PPFIBP2: variants seen among roughly 807,000 people sequenced by gnomAD.
PPFIBP2 encodes the protein PPFIB scaffold protein 2.
In PPFIBP2, 118 loss-of-function variants were observed where a neutral mutation model predicts 118.3. That is an observed-to-expected ratio of 1.00 (90% CI 0.86 to 1.16). PPFIBP2 has a LOEUF of 1.16. PPFIBP2 is among the 50% of genes most tolerant of loss of function. PPFIBP2 has a pLI of 0.00. For missense variants in PPFIBP2, 1,195 were observed against 1,073.1 expected (o/e 1.11, Z -1.59); for synonymous variants, 414 against 397.4 (o/e 1.04, Z -0.50).
At chr11:7,623,834 G>A (rs569303548) in intron 7 of PPFIBP2, among the ~76,000 whole-genome samples, 27 of 152,330 alleles carry the variant, frequency 1.8e-4, no homozygotes, top group Middle Eastern at 6.8e-3. Context: ...AGAAATGGAG[G>A]TTGAGAGTCC....
chr11:7,582,118 G>T (rs1047547224), intron 3 of PPFIBP2, among the ~76,000 whole-genome samples: 8 of 150,390 alleles, frequency 5.3e-5, no homozygotes, highest in African/African-American at 1.5e-4. Flanking sequence ...GATTACAGGC[G>T]TGAGCCACCG....
chr11:7,526,634 G>A (rs1327657175), intron 1 of PPFIBP2, among the ~76,000 whole-genome samples: 1 of 152,158 alleles, frequency 6.6e-6, no homozygotes, highest in Non-Finnish European at 1.5e-5. Context: ...CACTTTGGGA[G>A]GCCGAGGGTG....
At chr11:7,652,131 T>C (rs1228815745) in intron 23 of PPFIBP2, among the ~76,000 whole-genome samples, 2 of 152,274 alleles carry the variant, frequency 1.3e-5, no homozygotes, top group Non-Finnish European at 2.9e-5. Context: ...CCACTGCTGC[T>C]GTGACTCACC....
chr11:7,525,348 A>G (rs947746925), intron 1 of PPFIBP2, among the ~76,000 whole-genome samples: 2 of 152,186 alleles, frequency 1.3e-5, no homozygotes, highest in African/African-American at 4.8e-5. Flanking sequence ...TGAAATGTTG[A>G]CTCCAGTGCT....
Position 7,608,960 on chromosome 11 carries a change from GGCTGGCCCAGGAAGA to G in PPFIBP2, c.487-1323_487-1309del, listed in dbSNP as rs552854805. Among the ~76,000 whole-genome samples the G allele has an allele frequency of 5.9e-4, 90 of 152,316 alleles. 1 individual carries two copies. The highest frequency in any genetic ancestry group is 5.4e-3 in the Admixed American group (83 of 15,302). The stretch of plus-strand genomic sequence containing the variant: ...TGCCTTGTGAGCCAGCTTCCAGTCT[GGCTGGCCCAGGAAGA>G]GCTGGCCTCCTTACCCCAGAGCTCG... On this transcript the variant is annotated intron_variant, in intron 5 of 23. Coordinates refer to ENST00000299492, the MANE Select transcript of PPFIBP2 (RefSeq NM_003621.5).
At chr11:7,651,020 AACTT>A (rs1291620035) in intron 22 of PPFIBP2, 55 bp downstream of exon 22, 1 of 1,571,958 alleles carries the variant, frequency 6.4e-7, no homozygotes, top group Non-Finnish European at 8.7e-7. Flanking sequence ...GATATTCAGA[AACTT>A]ATTTATTAAG....
rs1205773072 is a variant in PPFIBP2 at position 7,600,497 on chromosome 11, C to T, written c.486+2824C>T. On this transcript the variant is annotated intron_variant, in intron 5 of 23. Transcript: ENST00000299492. ...CTGAGATATCCTGGGCTGCAGGGCCCTTGGCTTCTGGTGGTAGGAGCAAGA... is the reference window on the plus strand; with the variant it reads ...CTGAGATATCCTGGGCTGCAGGGCCTTTGGCTTCTGGTGGTAGGAGCAAGA... Among the ~76,000 whole-genome samples the T allele has an allele frequency of 6.6e-5, 10 of 152,354 alleles. No individual in the cohort carries two copies. The South Asian group carries it at 1.2e-3, about 19-fold the overall frequency.
chr11:7,599,439 C>T (rs1333059805), intron 5 of PPFIBP2, among the ~76,000 whole-genome samples: 2 of 152,150 alleles, frequency 1.3e-5, no homozygotes, highest in Non-Finnish European at 2.9e-5. Flanking sequence ...TATCTGACTG[C>T]CTGTGCTGGC....
chr11:7,598,345 T>C (rs79844448), intron 5 of PPFIBP2: 4 of 216,084 alleles, frequency 1.9e-5, no homozygotes, highest in Non-Finnish European at 2.9e-5. Context: ...CTATAATAGA[T>C]TTTCTTAGTA....
At position 7,618,943 on chromosome 11, in the gene PPFIBP2, A is replaced by G. The variant is rs959642265; in HGVS notation, c.619-1992A>G. Among the ~76,000 whole-genome samples, 11 of 149,034 alleles carry G rather than the reference A, an allele frequency of 7.4e-5. No individual in the cohort carries two copies. The South Asian group carries it at 1.9e-3, about 26-fold the overall frequency. On this transcript the variant is annotated intron_variant, in intron 6 of 23. Coordinates refer to ENST00000299492, the MANE Select transcript of PPFIBP2 (RefSeq NM_003621.5). The stretch of plus-strand genomic sequence containing the variant: ...CGGGCATCAGCATATGCTCACCTCA[A>G]CTAGAAGGCAATCTTAAAAAATGAC...
At chr11:7,608,285 T>TG (rs1847636017) in intron 5 of PPFIBP2, among the ~76,000 whole-genome samples, 2 of 152,226 alleles carry the variant, frequency 1.3e-5, no homozygotes, top group Admixed American at 6.5e-5. Flanking sequence ...TTTCTCTGTT[T>TG]GGGAAACTGT....
rs374412262 is a variant in PPFIBP2, at chr11:7,639,270, A to C, written c.1237-462A>C. On this transcript the variant is annotated intron_variant, in intron 14 of 23. Transcript: ENST00000299492. The stretch of plus-strand genomic sequence containing the variant: ...GGGGAAACAGAGGAGCCCAGACCAG[A>C]CTGAGCTCAGTTTCCTCTCTTGCAG... Among the ~76,000 whole-genome samples, 11 of 152,258 alleles carry C rather than the reference A, an allele frequency of 7.2e-5. 1 individual carries two copies. The South Asian group carries it at 2.3e-3, about 32-fold the overall frequency.
intron 11 of PPFIBP2, among the ~76,000 whole-genome samples, chr11:7,632,040 T>C (rs1850829029): frequency 6.6e-6 from 1 of 152,238 alleles, no homozygotes; most frequent in South Asian, 2.1e-4. Context: ...TAGCTCAAGG[T>C]GGCTCCGCCT....
intron 1 of PPFIBP2, among the ~76,000 whole-genome samples, chr11:7,526,085 G>A (rs1052365292): frequency 3.9e-5 from 6 of 152,166 alleles, no homozygotes; most frequent in Middle Eastern, 3.2e-3. Flanking sequence ...GGGCCAAACC[G>A]CTGTTTTAGA....
At chr11:7,516,319 G>C (rs1849224069) in intron 1 of PPFIBP2, among the ~76,000 whole-genome samples, 1 of 152,124 alleles carries the variant, frequency 6.6e-6, no homozygotes, top group Admixed American at 6.5e-5. Context: ...ATGAGGTGGG[G>C]ACAGGTAGGG....
intron 8 of PPFIBP2, among the ~76,000 whole-genome samples, chr11:7,627,069 TG>T (rs1447851586): frequency 1.3e-5 from 2 of 152,244 alleles, no homozygotes; most frequent in East Asian, 3.8e-4. Context: ...GAGTGCCCCA[TG>T]CCACAACTTC....
At chr11:7,541,690 A>G (rs1179945042) in intron 1 of PPFIBP2, among the ~76,000 whole-genome samples, 1 of 152,162 alleles carries the variant, frequency 6.6e-6, no homozygotes, top group Non-Finnish European at 1.5e-5. Context: ...TGACATCTCC[A>G]TCCCAGACTT....
At position 7,635,607 on chromosome 11, in the gene PPFIBP2, G is replaced by A. The variant is rs377381308; in HGVS notation, c.1236+14G>A. 1.9e-5 allele frequency: 31 copies of A among 1,598,468 alleles called. No homozygotes were observed. Among genetic ancestry groups the A allele is most frequent in the South Asian group, 1.1e-4 (10 of 90,754 alleles). On this transcript the variant is annotated intron_variant, in intron 14 of 23. Coordinates refer to ENST00000299492, the MANE Select transcript of PPFIBP2 (RefSeq NM_003621.5). ...TTAGAACCCAAGGTACATTGACTTC[G>A]TGCCCCGTCGTCTATTTGTGGTTAC...
the PPFIBP2 span, chr11:7,666,732 G>A: frequency 2.0e-6 from 1 of 505,166 alleles, no homozygotes; most frequent in Non-Finnish European, 3.6e-6. Flanking sequence ...CCTTTGTTTT[G>A]TGGATGAAGT....
Sources: gnomAD v4.1 joint callset for allele counts (sites outside exome capture counted in the v4.1 genomes callset) on GRCh38, gnomAD v4.1.1 for gene constraint, MANE v1.5 for transcripts, NCBI Gene and HGNC (gene_info 2026-07-23, HGNC 2026-07-21) for gene names.